ITIH4: variants seen among roughly 807,000 people sequenced by gnomAD.
ITIH4 encodes the protein inter-alpha-trypsin inhibitor heavy chain H4.
A neutral mutation model predicts 111.8 loss-of-function variants in ITIH4; 79 were observed. That is an observed-to-expected ratio of 0.71 (90% CI 0.59 to 0.85). ITIH4 has a LOEUF of 0.85. Among genes scored for constraint, ITIH4 ranks in the 40% least tolerant of loss-of-function variants. The probability of loss-of-function intolerance (pLI) is 0.00; values close to 1 mark genes in which losing one functional copy is unlikely to be tolerated. For synonymous variants in ITIH4, 472 were observed against 468.3 expected, an observed-to-expected ratio of 1.01 and a Z score of -0.10; for missense variants, 1,065 against 1,195.8, an observed-to-expected ratio of 0.89 and a Z score of 1.61.
chr3:52,822,173 T>A (rs1700393725), intron 11 of ITIH4: 1 of 151,892 alleles, frequency 6.6e-6, no homozygotes, highest in Non-Finnish European at 1.5e-5. Flanking sequence ...GAAACTCCCT[T>A]TCTACTAAAA....
intron 11 of ITIH4, chr3:52,823,315 G>A: frequency 1.9e-6 from 1 of 527,402 alleles, no homozygotes; most frequent in Non-Finnish European, 3.4e-6. Context: ...TGACAACTAG[G>A]GAGGAATCCC....
Position 52,814,085 on chromosome 3 carries a change from G to C in ITIH4, c.2627-14C>G, listed in dbSNP as rs749161414. Reference sequence around the variant, plus strand: ...GGTAAAACTGGCCTGAGATACAAAGGGTGGATCAGTAAGGGTCAGAGACAG... The same window carrying C: ...GGTAAAACTGGCCTGAGATACAAAGCGTGGATCAGTAAGGGTCAGAGACAG... On this transcript the variant is annotated splice_polypyrimidine_tract_variant and intron_variant, in intron 22 of 23. Transcript: ENST00000266041. 1 of 1,612,830 alleles carries C rather than the reference G, an allele frequency of 6.2e-7. No individual in the cohort carries two copies. Among genetic ancestry groups the C allele is most frequent in the African/African-American group, 1.3e-5 (1 of 75,026 alleles).
intron 5 of ITIH4, 64 bp from the exon 6 acceptor site, chr3:52,826,078 C>T (rs1181665127): frequency 1.3e-6 from 2 of 1,599,022 alleles, no homozygotes; most frequent in Non-Finnish European, 1.7e-6. Context: ...ACACCCTCTA[C>T]CCCTGTCTGT....
At chr3:52,816,337 C>T (rs1348548170) in intron 21 of ITIH4, among the ~76,000 whole-genome samples, 2 of 152,220 alleles carry the variant, frequency 1.3e-5, no homozygotes, top group African/African-American at 4.8e-5. Context: ...TGACTTGTGT[C>T]TCCTTAGCAA....
intron 17 of ITIH4, chr3:52,818,934 A>C: frequency 3.5e-6 from 1 of 286,556 alleles, no homozygotes; most frequent in Non-Finnish European, 6.6e-6. Context: ...GGTAGTGGGG[A>C]GAGGGGCCTT....
In ITIH4 at chr3:52,830,550, T is replaced by A; in HGVS notation, c.90+3A>T. The A allele has an allele frequency of 6.2e-7, 1 of 1,613,958 alleles. No homozygotes were observed. The highest frequency in any genetic ancestry group is 8.5e-7 in the Non-Finnish European group (1 of 1,179,814). On this transcript the variant is annotated splice_donor_region_variant and intron_variant, in intron 1 of 23. Transcript: ENST00000266041. Reference sequence around the variant, plus strand: ...TCACGCCACACCCATGGACACTGGCTACCTTTTCGGCAGTAGTAGTCTGGT... The same window carrying A: ...TCACGCCACACCCATGGACACTGGCAACCTTTTCGGCAGTAGTAGTCTGGT...
In ITIH4 at chr3:52,818,498, G is replaced by A. The variant is rs1467680546; in HGVS notation, c.2116C>T (p.Pro706Ser). ...SAPPATSNPD[P>S]AVSRVMNMKI... ...ATATTCATGACACGAGACACAGCTG[G>A]ATCAGGATTTGAGGTGGCTGGTGGT... Residue 706 changes from proline (P) to serine (S), a missense_variant, in exon 18 of 24, where the codon CCA (proline) becomes TCA (serine). Pro to Ser is a moderately conservative substitution (Grantham distance 74). Coordinates refer to ENST00000266041, the MANE Select transcript of ITIH4 (RefSeq NM_002218.5). 4 of 1,606,300 alleles carry A rather than the reference G, an allele frequency of 2.5e-6. No individual in the cohort carries two copies. The highest frequency in any genetic ancestry group is 3.4e-6 in the Non-Finnish European group (4 of 1,176,164).
At chr3:52,819,246 T>C (rs1293382535) in intron 17 of ITIH4, 147 bp downstream of exon 17, 2 of 857,492 alleles carry the variant, frequency 2.3e-6, no homozygotes, top group South Asian at 3.5e-5. Context: ...CAGGTTGAAC[T>C]GACCCACAAT....
rs1358891753 is a variant in ITIH4 at position 52,814,254 on chromosome 3, G to T, written c.2581C>A (p.Leu861Met). Residue 861 changes from leucine (L) to methionine (M), a missense_variant, in exon 22 of 24, where the codon CTG becomes ATG. By Grantham distance (15) the Leu-to-Met change is conservative. Transcript: ENST00000266041. ...CTGGAGAAGCGGTCAGTGTCACGCA[G>T]AAGGAGCCGGAGCCCCTCCCCACGG... ...DGRGEGLRLL[L>M]RDTDRFSSHV... is the part of the protein sequence containing the mutation. 2.5e-6 allele frequency: 4 copies of T among 1,613,708 alleles called. No homozygotes were observed. Among genetic ancestry groups the T allele is most frequent in the Admixed American group, 3.3e-5 (2 of 60,000 alleles).
chr3:52,826,297 A>G (rs142207808), intron 5 of ITIH4, among the ~76,000 whole-genome samples: 249 of 152,268 alleles, frequency 1.6e-3, no homozygotes, highest in African/African-American at 5.4e-3. Context: ...CCCTCACATC[A>G]GTCTATTATC....
Position 52,821,027 on chromosome 3 carries a change from C to G in ITIH4, c.1643G>C (p.Trp548Ser). The G allele has an allele frequency of 1.9e-6, 3 of 1,614,120 alleles. No homozygotes were observed. Among genetic ancestry groups the G allele is most frequent in the Non-Finnish European group, 1.7e-6 (2 of 1,180,036 alleles). Residue 548 changes from tryptophan (W) to serine (S), a missense_variant, in exon 12 of 24, where the codon TGG becomes TCG. By Grantham distance (177) the Trp-to-Ser change is radical. Coordinates refer to ENST00000266041, the MANE Select transcript of ITIH4 (RefSeq NM_002218.5). ...CAGCTGCTGGATAGTCAGGTATGCC[C>G]AGAGCCTCTCCATGAAGTTGTGGAA... ...YIFHNFMERL[W>S]AYLTIQQLLE... is the part of the protein sequence containing the mutation.
In ITIH4 at chr3:52,813,349, G is replaced by T; in HGVS notation, c.*72C>A. On this transcript the variant is annotated 3_prime_UTR_variant, in exon 24 of 24. Transcript: ENST00000266041. Reference sequence around the variant, plus strand: ...ACTCTTCCTCCCCATGGTGGTCCAGGCCCCAGAAGCGGCCCTGCAGTTGCA... The same window carrying T: ...ACTCTTCCTCCCCATGGTGGTCCAGTCCCCAGAAGCGGCCCTGCAGTTGCA... The T allele has an allele frequency of 7.6e-7, 1 of 1,315,192 alleles. No individual in the cohort carries two copies. Among genetic ancestry groups the T allele is most frequent in the Non-Finnish European group, 1.1e-6 (1 of 907,904 alleles). 81.5% of individuals were successfully genotyped at this position (1,315,192 alleles called of 1,614,324 possible).
intron 21 of ITIH4, among the ~76,000 whole-genome samples, chr3:52,816,066 G>T (rs1015111954): frequency 1.3e-5 from 2 of 152,228 alleles, no homozygotes; most frequent in African/African-American, 4.8e-5. Flanking sequence ...AAGTGCAAGG[G>T]AGTTCCCGCA....
chr3:52,825,716 A>C (rs1700469011), intron 6 of ITIH4, among the ~76,000 whole-genome samples, 170 bp downstream of exon 6: 1 of 152,192 alleles, frequency 6.6e-6, no homozygotes, highest in African/African-American at 2.4e-5. Context: ...TGGGAAAGGG[A>C]ATAGTTTCAG....
At chr3:52,826,441 G>T in intron 5 of ITIH4, 100 bp downstream of exon 5, 1 of 865,938 alleles carries the variant, frequency 1.2e-6, no homozygotes, top group Non-Finnish European at 1.9e-6. Flanking sequence ...ACAGCTCACA[G>T]GAGGGAGAGC....
chr3:52,823,461 C>G, intron 11 of ITIH4, 95 bp downstream of exon 11: 2 of 1,025,754 alleles, frequency 1.9e-6, no homozygotes, highest in South Asian at 1.6e-5. Context: ...GAGGGGAAAG[C>G]TGGAGCTGGG....
intron 1 of ITIH4, chr3:52,830,248 T>C (rs912607703): frequency 1.9e-5 from 8 of 430,796 alleles, no homozygotes; most frequent in African/African-American, 1.0e-4. Context: ...GATGAGGAAA[T>C]TGAGACATAG....
At chr3:52,820,915 C>T in intron 12 of ITIH4, 76 bp downstream of exon 12, 4 of 1,564,916 alleles carry the variant, frequency 2.6e-6, no homozygotes, top group Non-Finnish European at 2.6e-6. Context: ...CCCCCTCTCT[C>T]CATGCTTAGG....
rs1383989680 is a variant in ITIH4 at position 52,830,303 on chromosome 3, G to A, written c.90+250C>T. On this transcript the variant is annotated intron_variant, in intron 1 of 23. Coordinates refer to ENST00000266041, the MANE Select transcript of ITIH4 (RefSeq NM_002218.5). Reference sequence around the variant, plus strand: ...TGAGGTCACTTACTAAAAGGCGGTAGAGCCAGGCTTGTAAAACTGTATTTC... The same window carrying A: ...TGAGGTCACTTACTAAAAGGCGGTAAAGCCAGGCTTGTAAAACTGTATTTC... 5.2e-6 allele frequency: 3 copies of A among 572,988 alleles called. No homozygotes were observed. The Admixed American group carries it at 6.7e-5, about 13-fold the overall frequency. The allele number at this position is 572,988 out of a possible 1,614,324, so 35.5% of individuals were successfully genotyped here.
Sources: allele counts gnomAD v4.1 joint callset (sites outside exome capture counted in the v4.1 genomes callset), GRCh38; gene constraint gnomAD v4.1.1; transcripts MANE v1.5; gene names NCBI Gene and HGNC (gene_info 2026-07-23, HGNC 2026-07-21).